The following NELL2 variants were observed in gnomAD, a reference collection of about 807,000 sequenced individuals.
The protein encoded by NELL2 is neural EGFL like 2, also known as protein kinase C-binding protein NELL2.
Under a neutral mutation model 109.6 loss-of-function variants are expected in NELL2, and 41 were observed. The ratio of observed to expected loss-of-function variants is 0.37; its 90% CI spans 0.29 to 0.49. NELL2 has a LOEUF of 0.49. NELL2 is among the 20% of genes least tolerant of loss of function. The pLI is 0.98. For synonymous variants in NELL2, 355 were observed against 344.7 expected (o/e 1.03, Z -0.33); for missense variants, 900 against 1,008.3 (o/e 0.89, Z 1.45).
At chr12:44,519,902 A>G in intron 19 of NELL2, 103 bp downstream of exon 19, 1 of 1,057,904 alleles carries the variant, frequency 9.5e-7, no homozygotes, top group Non-Finnish European at 1.4e-6. Flanking sequence ...TAAACAGGAA[A>G]AAAAAAAAAA....
intron 1 of NELL2, among the ~76,000 whole-genome samples, chr12:44,893,172 C>T (rs1400335657): frequency 6.6e-6 from 1 of 152,144 alleles, no homozygotes; most frequent in Non-Finnish European, 1.5e-5. Context: ...GAAGGATCCT[C>T]ACTTGCCTCT....
chr12:44,823,382 A>G (rs1426335259), intron 2 of NELL2, among the ~76,000 whole-genome samples: 1 of 152,128 alleles, frequency 6.6e-6, no homozygotes, highest in Non-Finnish European at 1.5e-5. Flanking sequence ...CTCTTTCACT[A>G]ATATCTCCCA....
intron 2 of NELL2, among the ~76,000 whole-genome samples, chr12:44,861,179 A>G (rs1944831256): frequency 6.6e-6 from 1 of 152,034 alleles, no homozygotes; most frequent in Admixed American, 6.6e-5. Flanking sequence ...TACCCATCTC[A>G]CCTTTCCCCA....
chr12:44,792,720 T>C (rs975118005), intron 3 of NELL2, among the ~76,000 whole-genome samples: 1 of 152,174 alleles, frequency 6.6e-6, no homozygotes, highest in Non-Finnish European at 1.5e-5. Context: ...AGCAGATTAA[T>C]AATATGCAGT....
At chr12:44,878,220 A>T (rs1477184214), upstream of NELL2, among the ~76,000 whole-genome samples, 3 of 152,116 alleles carry the variant, frequency 2.0e-5, no homozygotes, top group African/African-American at 7.2e-5. Flanking sequence ...AGTACCATAC[A>T]CACTGAGGCT....
intron 12 of NELL2, among the ~76,000 whole-genome samples, chr12:44,689,238 T>C (rs1948824984): frequency 6.6e-6 from 1 of 152,228 alleles, no homozygotes; most frequent in African/African-American, 2.4e-5. Flanking sequence ...TAGTACATAT[T>C]TCTATGTCCC....
upstream of NELL2, among the ~76,000 whole-genome samples, chr12:44,918,060 C>T (rs762868255): frequency 1.3e-5 from 2 of 152,204 alleles, no homozygotes; most frequent in African/African-American, 2.4e-5. Flanking sequence ...CTGGTCACTA[C>T]CTAAAACACC....
chr12:44,832,223 A>C (rs1475025677), intron 2 of NELL2, among the ~76,000 whole-genome samples: 2 of 152,228 alleles, frequency 1.3e-5, no homozygotes, highest in Non-Finnish European at 2.9e-5. Context: ...TGGAATCAAC[A>C]GATATGGATA....
chr12:44,531,549 TGA>T (rs149079875), intron 16 of NELL2, among the ~76,000 whole-genome samples: 2,000 of 152,296 alleles, frequency 0.013, 33 homozygotes, highest in African/African-American at 0.044. Context: ...GAAATCCTGA[TGA>T]AAACTCTGCT....
upstream of NELL2, among the ~76,000 whole-genome samples, chr12:44,880,463 G>A (rs1945398975): frequency 6.6e-6 from 1 of 151,886 alleles, no homozygotes; most frequent in African/African-American, 2.4e-5. Flanking sequence ...ATATTACTGA[G>A]AATGTGCCAA....
intron 12 of NELL2, among the ~76,000 whole-genome samples, chr12:44,698,187 A>G (rs1426093306): frequency 6.6e-6 from 1 of 152,226 alleles, no homozygotes; most frequent in African/African-American, 2.4e-5. Context: ...TAAATCTGCA[A>G]CGTCCCTATT....
chr12:44,825,717 G>A (rs1943690917), intron 2 of NELL2, among the ~76,000 whole-genome samples: 1 of 149,390 alleles, frequency 6.7e-6, no homozygotes, highest in East Asian at 2.0e-4. Context: ...TTTTGAGATA[G>A]TTCATTGTTA....
chr12:44,814,756 C>T (rs1943285021), intron 3 of NELL2, among the ~76,000 whole-genome samples: 1 of 152,186 alleles, frequency 6.6e-6, no homozygotes, highest in Non-Finnish European at 1.5e-5. Context: ...TCCCTAGGAA[C>T]CTTCCTCACT....
chr12:44,520,761 A>G lies in NELL2; in HGVS notation c.2176-532T>C, dbSNP rs150949610. On this transcript the variant is annotated intron_variant, in intron 18 of 19. Transcript: ENST00000429094. ...AAAAAAAAAGAAACAAATCCTAGGA[A>G]TTGATTTCATTCCTTTTTAATTCCA... Among the ~76,000 whole-genome samples, 494 of 152,306 alleles carry G rather than the reference A, an allele frequency of 3.2e-3. 2 individuals are homozygous for G. Among genetic ancestry groups the G allele is most frequent in the African/African-American group, 0.011 (459 of 41,568 alleles).
At chr12:44,828,725 G>A (rs1472997057) in intron 2 of NELL2, among the ~76,000 whole-genome samples, 1 of 151,712 alleles carries the variant, frequency 6.6e-6, no homozygotes, top group Non-Finnish European at 1.5e-5. Flanking sequence ...ATGGGGGTGG[G>A]GGCTACAAAT....
intron 12 of NELL2, among the ~76,000 whole-genome samples, chr12:44,685,989 T>C (rs550547007): frequency 4.6e-5 from 7 of 152,340 alleles, no homozygotes; most frequent in Middle Eastern, 6.8e-3. Flanking sequence ...GAAGTTCTCC[T>C]GGATAATATC....
chr12:44,746,348 G>C (rs574491027), intron 9 of NELL2, among the ~76,000 whole-genome samples: 2,349 of 152,180 alleles, frequency 0.015, 74 homozygotes, highest in African/African-American at 0.054. Flanking sequence ...AAAAACCCTA[G>C]AAGAAAACCT....
intron 3 of NELL2, among the ~76,000 whole-genome samples, chr12:44,808,340 T>G (rs1943071709): frequency 6.6e-6 from 1 of 152,160 alleles, no homozygotes; most frequent in South Asian, 2.1e-4. Flanking sequence ...TTGTTTTAAT[T>G]TACTTTCTTT....
chr12:44,694,550 C>T (rs965629859), intron 12 of NELL2, among the ~76,000 whole-genome samples: 1 of 151,458 alleles, frequency 6.6e-6, no homozygotes, highest in South Asian at 2.1e-4. Flanking sequence ...CACACACACA[C>T]ATCCTGTTTG....
Sources: gnomAD v4.1 joint callset for allele counts (sites outside exome capture counted in the v4.1 genomes callset) on GRCh38, gnomAD v4.1.1 for gene constraint, MANE v1.5 for transcripts, NCBI Gene and HGNC (gene_info 2026-07-23, HGNC 2026-07-21) for gene names.